The following MICU3 variants were observed in gnomAD, a reference collection of about 807,000 sequenced individuals.
The protein encoded by MICU3 is mitochondrial calcium uptake 3, also known as calcium uptake protein 3, mitochondrial.
MICU3 carries 62 observed loss-of-function variants against 66.5 expected under a neutral mutation model. The ratio of observed to expected loss-of-function variants is 0.93; its 90% confidence interval spans 0.76 to 1.15. The LOEUF is 1.15. MICU3 is among the 50% of genes most tolerant of loss of function. MICU3 has a pLI of 0.00. For synonymous variants in MICU3, 308 were observed against 240.7 expected (o/e 1.28, Z -2.59); for missense variants, 779 against 664.4 (o/e 1.17, Z -1.90).
At chr8:17,066,064 G>T (rs535312989) in intron 2 of MICU3, among the ~76,000 whole-genome samples, 1 of 148,768 alleles carries the variant, frequency 6.7e-6, no homozygotes, top group East Asian at 2.1e-4. Context: ...GAAAAATTAA[G>T]TAGAGTTCTT....
chr8:17,047,453 A>T (rs1815278641), intron 1 of MICU3, among the ~76,000 whole-genome samples: 1 of 152,202 alleles, frequency 6.6e-6, no homozygotes, highest in Non-Finnish European at 1.5e-5. Flanking sequence ...ATCCCAAGAG[A>T]TAATGGTTGA....
intron 2 of MICU3, among the ~76,000 whole-genome samples, chr8:17,067,687 G>C (rs1818929051): frequency 6.6e-6 from 1 of 152,036 alleles, no homozygotes; most frequent in South Asian, 2.1e-4. Flanking sequence ...TGATCCTCCT[G>C]CCTCGGCCTC....
At chr8:17,069,599 A>G (rs1438504184) in intron 2 of MICU3, 89 bp from the exon 3 acceptor site, 7 of 769,648 alleles carry the variant, frequency 9.1e-6, no homozygotes, top group Non-Finnish European at 1.2e-5. Context: ...AAGTTTGGTT[A>G]TGAGTTATGG....
chr8:17,114,664 G>A (rs1161108565), intron 12 of MICU3, among the ~76,000 whole-genome samples: 1 of 152,154 alleles, frequency 6.6e-6, no homozygotes, highest in African/African-American at 2.4e-5. Context: ...GCTATAGGTG[G>A]ACTAAGAAGC....
chr8:17,100,496 T>C (rs1327747539), intron 9 of MICU3, among the ~76,000 whole-genome samples: 2 of 151,908 alleles, frequency 1.3e-5, no homozygotes, highest in South Asian at 2.1e-4. Flanking sequence ...TAAATCCTTA[T>C]AGGTTACTGT....
At chr8:17,073,238 C>A (rs951773982) in intron 3 of MICU3, among the ~76,000 whole-genome samples, 1 of 152,146 alleles carries the variant, frequency 6.6e-6, no homozygotes, top group African/African-American at 2.4e-5. Context: ...TATATCAGAT[C>A]GCCCCCTTCC....
chr8:17,128,146 G>A, the MICU3 span, among the ~76,000 whole-genome samples: 1 of 151,850 alleles, frequency 6.6e-6, no homozygotes, highest in Admixed American at 6.6e-5. Context: ...CTTTGAAACA[G>A]CAGTGAGGGA....
intron 5 of MICU3, among the ~76,000 whole-genome samples, chr8:17,082,997 T>G (rs769017005): frequency 2.0e-5 from 3 of 152,102 alleles, no homozygotes; most frequent in Non-Finnish European, 2.9e-5. Flanking sequence ...GAAAGAGTAA[T>G]TTACACAGAG....
At chr8:17,135,079 TA>T in the MICU3 span, among the ~76,000 whole-genome samples, 1 of 152,220 alleles carries the variant, frequency 6.6e-6, no homozygotes, top group Non-Finnish European at 1.5e-5. Flanking sequence ...GTCTTTCCTA[TA>T]ATATGCATAC....
rs774331215 is a variant in MICU3 at position 17,116,491 on chromosome 8, C to T, written c.1415C>T (p.Pro472Leu). ...VYVATGLKFS[P>L]HLVNTVFKIF... The stretch of plus-strand genomic sequence containing the variant: ...GTAGCTACTGGACTCAAATTTTCAC[C>T]ACATTTAGTGAACACTGTCTTCAAG... Residue 472 changes from proline to leucine, a missense_variant, in exon 13 of 15, where the codon CCA becomes CTA. Coordinates refer to ENST00000318063, the MANE Select transcript of MICU3 (RefSeq NM_181723.3). 2.3e-5 allele frequency: 35 copies of T among 1,545,408 alleles called. No homozygotes were observed. Among genetic ancestry groups the T allele is most frequent in the Non-Finnish European group, 2.9e-5 (33 of 1,152,800 alleles).
chr8:17,053,861 T>A (rs1393499944), intron 1 of MICU3, among the ~76,000 whole-genome samples: 9 of 152,174 alleles, frequency 5.9e-5, no homozygotes, highest in Non-Finnish European at 1.5e-5. Context: ...GCAATTCCCA[T>A]AAAATAATTT....
intron 1 of MICU3, chr8:17,049,710 A>C: frequency 6.0e-6 from 3 of 499,870 alleles, no homozygotes; most frequent in Non-Finnish European, 1.2e-5. Context: ...TGTAATACTG[A>C]AGTTCTGGTC....
At chr8:17,056,177 TTA>T (rs545621677) in intron 1 of MICU3, among the ~76,000 whole-genome samples, 3 of 152,210 alleles carry the variant, frequency 2.0e-5, no homozygotes, top group Non-Finnish European at 2.9e-5. Context: ...CCCAGTGACC[TTA>T]TGTCAATTCC....
intron 1 of MICU3, among the ~76,000 whole-genome samples, chr8:17,033,599 G>T (rs924337193): frequency 5.3e-5 from 8 of 152,020 alleles, no homozygotes; most frequent in African/African-American, 1.9e-4. Context: ...ACCACACCCA[G>T]CTAATTTTTT....
chr8:17,094,364 T>C (rs1437342632), intron 8 of MICU3, among the ~76,000 whole-genome samples: 1 of 152,026 alleles, frequency 6.6e-6, no homozygotes, highest in African/African-American at 2.4e-5. Flanking sequence ...ATATTAGAAG[T>C]TAAAACTGAG....
Position 17,114,115 on chromosome 8 carries a change from G to C in MICU3, c.1280G>C (p.Arg427Thr), listed in dbSNP as rs1585562698. The C allele has an allele frequency of 6.2e-7, 1 of 1,611,046 alleles. No homozygotes were observed. Among genetic ancestry groups the C allele is most frequent in the Non-Finnish European group, 8.5e-7 (1 of 1,178,294 alleles). ...EEKGITFDEFRSFFQFLNNLE... is the reference protein window; with the variant it reads ...EEKGITFDEFTSFFQFLNNLE... ...TAGGGCATCACATTTGATGAATTCA[G>C]GTCATTTTTCCAGTTTTTAAACAAC... The change falls in exon 12 of 15, where the codon AGG becomes ACG. Residue 427 changes from arginine (R) to threonine (T), a missense_variant. By Grantham distance (71) the Arg-to-Thr change is moderately conservative. Transcript: ENST00000318063.
intron 1 of MICU3, among the ~76,000 whole-genome samples, chr8:17,038,975 A>T (rs1380487724): frequency 6.6e-6 from 1 of 151,184 alleles, no homozygotes; most frequent in African/African-American, 2.4e-5. Flanking sequence ...AAATAAATAA[A>T]TAATAAATAA....
the MICU3 span, chr8:17,132,798 G>A: frequency 2.2e-4 from 34 of 152,296 alleles, no homozygotes; most frequent in Non-Finnish European, 2.8e-4. Context: ...GTGTTGCTAC[G>A]GTCTGAATGT....
chr8:17,110,745 G>T (rs936741712), intron 11 of MICU3, among the ~76,000 whole-genome samples: 3 of 151,560 alleles, frequency 2.0e-5, no homozygotes, highest in African/African-American at 7.3e-5. Flanking sequence ...TTGGGGAGGG[G>T]GGGGTAGAGA....
Sources: gnomAD v4.1 joint callset for allele counts (sites outside exome capture counted in the v4.1 genomes callset) on GRCh38, gnomAD v4.1.1 for gene constraint, MANE v1.5 for transcripts, NCBI Gene and HGNC (gene_info 2026-07-23, HGNC 2026-07-21) for gene names.